Variants in MFN2 observed in about 807,000 individuals in gnomAD.
The protein encoded by MFN2 is mitofusin-2.
MFN2 carries 43 observed loss-of-function variants against 87.5 expected under a neutral mutation model. The observed-to-expected ratio is 0.49, with a 90% CI of 0.38 to 0.63. The LOEUF (loss-of-function observed/expected upper bound fraction) is 0.63, where lower values mean the gene tolerates loss of function less well. Ranked by LOEUF, MFN2 falls within the 30% of genes least tolerant of loss-of-function variation. MFN2 has a pLI of 0.00. For synonymous variants in MFN2, 337 were observed against 359.9 expected (o/e 0.94, Z 0.72); for missense variants, 743 against 972.8 (o/e 0.76, Z 3.14).
intron 18 of MFN2, among the ~76,000 whole-genome samples, chr1:12,011,253 C>T (rs1639680969): frequency 6.6e-6 from 1 of 152,206 alleles, no homozygotes; most frequent in South Asian, 2.1e-4. Context: ...GTGAAGGAAA[C>T]ACAGGGCTTG....
intron 8 of MFN2, 88 bp from the exon 9 acceptor site, chr1:12,001,313 T>C: frequency 6.4e-7 from 1 of 1,552,256 alleles, no homozygotes; most frequent in Non-Finnish European, 8.7e-7. Context: ...ATGCCCAGCC[T>C]CTTATGACCT....
At chr1:12,000,303 C>T (rs947834941) in intron 8 of MFN2, among the ~76,000 whole-genome samples, 8 of 151,882 alleles carry the variant, frequency 5.3e-5, no homozygotes, top group Non-Finnish European at 1.2e-4. Flanking sequence ...AGCAATTCTG[C>T]CTCAGCCTCC....
chr1:12,010,869 A>T (rs113403833), intron 18 of MFN2, among the ~76,000 whole-genome samples: 304 of 152,174 alleles, frequency 2.0e-3, no homozygotes, highest in Admixed American at 5.0e-3. Context: ...TGCCTAGCCC[A>T]TGATAGCATC....
At chr1:12,006,812 TCTC>T in intron 16 of MFN2, 119 bp downstream of exon 16, 1 of 1,451,078 alleles carries the variant, frequency 6.9e-7, no homozygotes, top group East Asian at 2.3e-5. Context: ...CTGCATACTT[TCTC>T]CTCTGTGATT....
chr1:12,002,031 T>C lies in MFN2; in HGVS notation c.1088T>C (p.Val363Ala). 1 of 1,614,136 alleles carries C rather than the reference T, an allele frequency of 6.2e-7. No individual in the cohort carries two copies. Among genetic ancestry groups the C allele is most frequent in the African/African-American group, 1.3e-5 (1 of 75,022 alleles). ...AAGACCAAGTTTGAGCAGCACACGG[T>C]CCGGGCCAAGCAGATTGCAGAGGCG... ...AVKTKFEQHTVRAKQIAEAVR... is the reference protein window; with the variant it reads ...AVKTKFEQHTARAKQIAEAVR... The change falls in exon 11 of 19, where the codon GTC (valine) becomes GCC (alanine). Residue 363 changes from valine (V) to alanine (A), a missense_variant. By Grantham distance (64) the Val-to-Ala change is moderately conservative. This residue lies in a region of MFN2 where 571 missense variants were observed against 670.7 expected (regional missense o/e 0.85). Coordinates refer to ENST00000235329, the MANE Select transcript of MFN2 (RefSeq NM_014874.4).
chr1:11,999,544 G>A (rs1226994410), intron 8 of MFN2, among the ~76,000 whole-genome samples: 1 of 152,078 alleles, frequency 6.6e-6, no homozygotes, highest in Non-Finnish European at 1.5e-5. Flanking sequence ...TTTTGGTAGA[G>A]ACGGGGTTTT....
intron 2 of MFN2, among the ~76,000 whole-genome samples, chr1:11,984,074 G>C (rs887164008): frequency 2.0e-5 from 3 of 152,190 alleles, no homozygotes; most frequent in Non-Finnish European, 4.4e-5. Flanking sequence ...TTGTAACCTG[G>C]AGCTCCCAAG....
chr1:11,997,431 A>C lies in MFN2; in HGVS notation c.599+10A>C. The C allele has an allele frequency of 1.2e-6, 2 of 1,613,404 alleles. No homozygotes were observed. The highest frequency in any genetic ancestry group is 1.7e-6 in the Non-Finnish European group (2 of 1,179,628). ...TCGTTTTGATGGACAGGTAAGAGGG[A>C]GGTGCCCTCCTAGGAGGTCCAAACT... On this transcript the variant is annotated intron_variant, in intron 6 of 18. Transcript: ENST00000235329.
chr1:11,992,482 C>G (rs1258822812), intron 3 of MFN2, 73 bp from the exon 4 acceptor site: 2 of 1,599,986 alleles, frequency 1.3e-6, no homozygotes, highest in African/African-American at 1.3e-5. Flanking sequence ...GGCCGGCGCT[C>G]TGGCCCTTCC....
intron 4 of MFN2, among the ~76,000 whole-genome samples, chr1:11,995,501 C>T (rs1225434053): frequency 6.6e-6 from 1 of 151,330 alleles, no homozygotes; most frequent in Admixed American, 6.6e-5. Flanking sequence ...GGCATGGTGG[C>T]ACATGCCTGT....
chr1:12,008,475 C>G (rs1229093924), intron 17 of MFN2, among the ~76,000 whole-genome samples: 1 of 148,636 alleles, frequency 6.7e-6, no homozygotes, highest in Non-Finnish European at 1.5e-5. Context: ...GGGACTGACC[C>G]CCCACCTCCC....
chr1:11,984,770 G>A (rs941163766), intron 2 of MFN2, among the ~76,000 whole-genome samples: 9 of 152,268 alleles, frequency 5.9e-5, no homozygotes, highest in African/African-American at 2.2e-4. Context: ...AGTTCAGGGA[G>A]CTTGTGGATA....
At chr1:11,998,057 T>A (rs1482373750) in intron 6 of MFN2, among the ~76,000 whole-genome samples, 4 of 151,256 alleles carry the variant, frequency 2.6e-5, no homozygotes, top group Non-Finnish European at 5.9e-5. Context: ...CTAAATTTTG[T>A]ATTTTTAGTA....
rs1021795214 is a variant in MFN2 at position 12,011,390 on chromosome 1, T to G, written c.2205-106T>G. On this transcript the variant is annotated intron_variant, in intron 18 of 18. Transcript: ENST00000235329. ...AGGGATAAACACGATTGTTGGAGGA[T>G]GATGTAAGGGTGTGTGTCAAGCGTC... 5 of 1,121,586 alleles carry G rather than the reference T, an allele frequency of 4.5e-6. No homozygotes were observed. In the African/African-American group the frequency reaches 4.6e-5, roughly 10 times the overall value. 69.5% of individuals were successfully genotyped at this position (1,121,586 alleles called of 1,614,324 possible). A position where few individuals can be genotyped will look rare whatever the true frequency, so the allele number is the denominator to read the frequency against.
In MFN2 at chr1:12,003,539, C is replaced by T. The variant is rs541482488; in HGVS notation, c.1161-453C>T. Among the ~76,000 whole-genome samples, 1 of 152,276 alleles carries T rather than the reference C, an allele frequency of 6.6e-6. No individual in the cohort carries two copies. Among genetic ancestry groups the T allele is most frequent in the Admixed American group, 6.5e-5 (1 of 15,296 alleles). ...ATTAGCTGGGTGTGGTGGCGCATGC[C>T]TGTAATCCCAGCTACTCGGGAGGCT... On this transcript the variant is annotated intron_variant, in intron 11 of 18. Transcript: ENST00000235329. This position sits in a 1 kb window ranked among gnomAD's most constrained non-coding sequence, Gnocchi z 4.1.
intron 17 of MFN2, among the ~76,000 whole-genome samples, chr1:12,008,343 C>A (rs1259607312): frequency 6.6e-6 from 1 of 151,904 alleles, no homozygotes; most frequent in Non-Finnish European, 1.5e-5. Flanking sequence ...AGGCGCCCCC[C>A]ACCTCCCGGA....
chr1:11,980,754 C>G (rs747777602), intron 1 of MFN2, among the ~76,000 whole-genome samples: 9 of 152,238 alleles, frequency 5.9e-5, no homozygotes, highest in Admixed American at 1.3e-4. Context: ...TCTACCCCTG[C>G]CCCTTCTCTA....
intron 5 of MFN2, among the ~76,000 whole-genome samples, chr1:11,996,637 C>A (rs377452315): frequency 4.0e-4 from 61 of 152,204 alleles, no homozygotes; most frequent in Middle Eastern, 3.4e-3. Context: ...GAGAGGAATT[C>A]CTGCATTTGC....
rs546431591 is a variant in MFN2, at chr1:12,004,738, G to A, written c.1393-87G>A. The A allele has an allele frequency of 2.2e-4, 336 of 1,508,874 alleles. 1 individual carries two copies. Among genetic ancestry groups the A allele is most frequent in the Non-Finnish European group, 2.6e-4 (283 of 1,087,696 alleles). The allele number at this position is 1,508,874 out of a possible 1,614,324, so 93.5% of individuals were successfully genotyped here. Reference sequence around the variant, plus strand: ...CCACAGAGACAAGGCCCAGGCTTCCGTCAGCCTTCTGGGGTCACCTGGTGG... The same window carrying A: ...CCACAGAGACAAGGCCCAGGCTTCCATCAGCCTTCTGGGGTCACCTGGTGG... On this transcript the variant is annotated intron_variant, in intron 13 of 18. Transcript: ENST00000235329. This position sits in a 1 kb window ranked among gnomAD's most constrained non-coding sequence, Gnocchi z 4.2.
Sources: allele counts gnomAD v4.1 joint callset (sites outside exome capture counted in the v4.1 genomes callset), GRCh38; gene constraint gnomAD v4.1.1; regional missense constraint gnomAD v4.1.1; non-coding constraint Gnocchi (gnomAD v3.1); transcripts MANE v1.5; gene names NCBI Gene and HGNC (gene_info 2026-07-23, HGNC 2026-07-21).